The following HECTD4 variants were observed in gnomAD, a reference collection of about 807,000 sequenced individuals.
HECTD4 encodes HECT domain E3 ubiquitin protein ligase 4.
In HECTD4, 114 loss-of-function variants were observed where a neutral mutation model predicts 471.5. The ratio of observed to expected loss-of-function variants is 0.24; its 90% CI spans 0.21 to 0.28. HECTD4 has a LOEUF of 0.28. Ranked by LOEUF, HECTD4 falls within the 10% of genes least tolerant of loss-of-function variation. HECTD4 has a pLI of 1.00. For missense variants in HECTD4, 3,866 were observed against 5,651.5 expected (o/e 0.68, Z 10.13); for synonymous variants, 2,012 against 2,256.0 (o/e 0.89, Z 3.07).
intron 55 of HECTD4, among the ~76,000 whole-genome samples, chr12:112,200,247 G>C (rs1055714448): frequency 1.3e-5 from 2 of 151,384 alleles, no homozygotes; most frequent in Non-Finnish European, 2.9e-5. Context: ...TCCGTCTCTC[G>C]GGTTCAATAG....
intron 3 of HECTD4, among the ~76,000 whole-genome samples, chr12:112,313,926 A>G (rs900025839): frequency 2.0e-5 from 3 of 152,192 alleles, no homozygotes; most frequent in African/African-American, 7.2e-5. Context: ...ATATGTACCA[A>G]AATGTTAGGA....
intron 10 of HECTD4, among the ~76,000 whole-genome samples, chr12:112,274,426 C>T (rs2034483431): frequency 6.6e-6 from 1 of 152,202 alleles, no homozygotes; most frequent in Non-Finnish European, 1.5e-5. Context: ...TTCTTTCTGG[C>T]TGGACACAAT....
rs536760170 is a variant in HECTD4, at chr12:112,350,445, T to G, written c.178-30703A>C. Among the ~76,000 whole-genome samples, 30 of 152,366 alleles carry G rather than the reference T, an allele frequency of 2.0e-4. 1 individual carries two copies. In the South Asian group the frequency reaches 6.2e-3, roughly 32 times the overall value. On this transcript the variant is annotated intron_variant, in intron 1 of 75. Transcript: ENST00000682272. ...ATTTTAGAGCAGCATCGTCATGTTC[T>G]CATAAGCTTTTAAGTATTCTACCCA...
intron 7 of HECTD4, among the ~76,000 whole-genome samples, chr12:112,301,189 CTTTTT>C (rs879714994): frequency 7.0e-6 from 1 of 143,098 alleles, no homozygotes; most frequent in Non-Finnish European, 1.5e-5. Flanking sequence ...CCCGGTCGTA[CTTTTT>C]TTTTTTGAGA....
At chr12:112,170,108 A>C in intron 69 of HECTD4, 1 of 606,900 alleles carries the variant, frequency 1.6e-6, no homozygotes. Flanking sequence ...ACCTGACCCC[A>C]TGCAGCTGGG....
At chr12:112,233,213 GCTT>G (rs1464584034) in intron 37 of HECTD4, 128 bp from the exon 38 acceptor site, 4 of 336,106 alleles carry the variant, frequency 1.2e-5, no homozygotes, top group Non-Finnish European at 1.6e-5. Context: ...ACTAACATTA[GCTT>G]TTTTTTTTTT....
chr12:112,298,388 A>G (rs1186306959), intron 7 of HECTD4, among the ~76,000 whole-genome samples: 1 of 152,000 alleles, frequency 6.6e-6, no homozygotes, highest in Non-Finnish European at 1.5e-5. Context: ...CAGTGTTCTG[A>G]GCTTAGCTTT....
Position 112,167,451 on chromosome 12 carries a change from G to T in HECTD4, c.12400C>A (p.Arg4134=), listed in dbSNP as rs1222192512. Reference sequence around the variant, plus strand: ...TCCAGGGGCAGCGGGACGTCTGCCCGAATTGCAATCCCCAGCAGCTGCCCC... The same window carrying T: ...TCCAGGGGCAGCGGGACGTCTGCCCTAATTGCAATCCCCAGCAGCTGCCCC... ...FLGQLLGIAI[R]ADVPLPLDLL... The change falls in exon 72 of 76, where the codon CGG becomes AGG. Residue 4134 remains arginine (R), a synonymous_variant. Transcript: ENST00000682272. 2 of 1,613,440 alleles carry T rather than the reference G, an allele frequency of 1.2e-6. No homozygotes were observed. Among genetic ancestry groups the T allele is most frequent in the Non-Finnish European group, 8.5e-7 (1 of 1,179,672 alleles).
chr12:112,187,622 CTTTTTTTTTT>C (rs150976845), intron 60 of HECTD4, among the ~76,000 whole-genome samples: 2 of 85,964 alleles, frequency 2.3e-5, no homozygotes, highest in Non-Finnish European at 4.1e-5. Context: ...GTTTCCTTTC[CTTTTTTTTTT>C]TTTTTTTTTT....
intron 20 of HECTD4, 50 bp from the exon 21 acceptor site, chr12:112,256,568 A>T (rs1470287180): frequency 4.0e-6 from 5 of 1,257,240 alleles, no homozygotes; most frequent in Admixed American, 3.1e-5. Context: ...AGGAAAGGAA[A>T]AACAATGTAA....
chr12:112,252,974 T>G (rs1280457153), intron 22 of HECTD4, among the ~76,000 whole-genome samples: 6 of 152,018 alleles, frequency 3.9e-5, no homozygotes, highest in African/African-American at 1.5e-4. Context: ...CATGCCCAGC[T>G]AATTTTTTTA....
chr12:112,328,314 T>A lies in HECTD4; in HGVS notation c.178-8572A>T, dbSNP rs963075887. On this transcript the variant is annotated intron_variant, in intron 1 of 75. Coordinates refer to ENST00000682272, the MANE Select transcript of HECTD4 (RefSeq NM_001388303.1). ...CCACTATGCCTAGCTAATTTAAACA[T>A]TTTTTAGAGGTGGGGTTTCACCATG... Among the ~76,000 whole-genome samples, 20 of 152,042 alleles carry A rather than the reference T, an allele frequency of 1.3e-4. No homozygotes were observed. The South Asian group carries it at 3.5e-3, about 27-fold the overall frequency.
chr12:112,212,994 C>A (rs1345688603), intron 48 of HECTD4, among the ~76,000 whole-genome samples: 1 of 152,110 alleles, frequency 6.6e-6, no homozygotes, highest in Non-Finnish European at 1.5e-5. Flanking sequence ...CAGGGTTTTG[C>A]CATGTTGGCC....
intron 21 of HECTD4, among the ~76,000 whole-genome samples, chr12:112,254,605 CACA>C (rs748682254): frequency 3.8e-4 from 57 of 151,960 alleles, no homozygotes; most frequent in Middle Eastern, 3.4e-3. Context: ...TTATATCTAA[CACA>C]ACAACAAAAT....
chr12:112,235,534 A>C lies in HECTD4; in HGVS notation c.5695T>G (p.Leu1899Val), dbSNP rs1296230376. 5 of 1,612,728 alleles carry C rather than the reference A, an allele frequency of 3.1e-6. No individual in the cohort carries two copies. In the Admixed American group the frequency reaches 5.0e-5, roughly 16 times the overall value. ...ACCACATAATCTGCCAGCTTTGCTAAGAGCAGGGAGGCGATCTTGGAAGCT... is the reference window on the plus strand; with the variant it reads ...ACCACATAATCTGCCAGCTTTGCTACGAGCAGGGAGGCGATCTTGGAAGCT... ...DPASKIASLL[L>V]AKLADYVVPG... Residue 1899 changes from leucine (L) to valine (V), a missense_variant, in exon 36 of 76, where the codon TTA becomes GTA. Leu to Val is a conservative substitution (Grantham distance 32). Coordinates refer to ENST00000682272, the MANE Select transcript of HECTD4 (RefSeq NM_001388303.1). This position sits in a 1 kb window ranked among gnomAD's most constrained non-coding sequence, Gnocchi z 5.0.
In HECTD4 at chr12:112,240,003, CCCA is replaced by C; in HGVS notation, c.4980_4982del (p.Gly1661del). The C allele has an allele frequency of 6.2e-7, 1 of 1,613,946 alleles. No homozygotes were observed. Among genetic ancestry groups the C allele is most frequent in the Non-Finnish European group, 8.5e-7 (1 of 1,179,844 alleles). Reference sequence around the variant, plus strand: ...AGGCTTCCTGGACCTGCTCGACCATCCCACCACATGTGAGTTCTTCAATTCTGT... The same window carrying C: ...AGGCTTCCTGGACCTGCTCGACCATCCCACATGTGAGTTCTTCAATTCTGT... On this transcript the variant is annotated inframe_deletion, in exon 33 of 76. Transcript: ENST00000682272.
intron 1 of HECTD4, among the ~76,000 whole-genome samples, chr12:112,333,083 C>T (rs2035875234): frequency 1.3e-5 from 2 of 152,168 alleles, no homozygotes; most frequent in African/African-American, 4.8e-5. Context: ...AGCTAGACCA[C>T]ATTTTATTTA....
rs559138473 is a variant in HECTD4 at position 112,188,162 on chromosome 12, G to A, written c.9472+2624C>T. Among the ~76,000 whole-genome samples the A allele has an allele frequency of 7.2e-5, 11 of 152,156 alleles. No homozygotes were observed. Among genetic ancestry groups the A allele is most frequent in the Admixed American group, 1.3e-4 (2 of 15,294 alleles). On this transcript the variant is annotated intron_variant, in intron 60 of 75. Transcript: ENST00000682272. This position sits in a 1 kb window ranked among gnomAD's most constrained non-coding sequence, Gnocchi z 4.2. ...AAATTAGCTGGGCATGGTAGCGGGC[G>A]CCTGTATTCCCAACTACTCAGGAGG...
At chr12:112,336,270 T>C (rs1004937838) in intron 1 of HECTD4, among the ~76,000 whole-genome samples, 4 of 152,134 alleles carry the variant, frequency 2.6e-5, no homozygotes, top group Non-Finnish European at 5.9e-5. Context: ...ATGCCTGTAA[T>C]CTCAGCACTT....
Sources: gnomAD v4.1 joint callset for allele counts (sites outside exome capture counted in the v4.1 genomes callset) on GRCh38, gnomAD v4.1.1 for gene constraint, Gnocchi (gnomAD v3.1) non-coding constraint, MANE v1.5 for transcripts, NCBI Gene and HGNC (gene_info 2026-07-23, HGNC 2026-07-21) for gene names.